Variants in AGAP2 observed in about 807,000 individuals in gnomAD.
AGAP2 encodes the protein ArfGAP with GTPase domain, ankyrin repeat and PH domain 2, also known as arf-GAP with GTPase, ANK repeat and PH domain-containing protein 2.
In AGAP2, 32 loss-of-function variants were observed where a neutral mutation model predicts 110.9. That is an observed-to-expected ratio of 0.29 (90% CI 0.22 to 0.39). The LOEUF (loss-of-function observed/expected upper bound fraction) is 0.39, where lower values mean the gene tolerates loss of function less well. AGAP2 is among the 10% of genes least tolerant of loss of function. The probability of loss-of-function intolerance (pLI) is 1.00; values close to 1 mark genes in which losing one functional copy is unlikely to be tolerated. For missense variants in AGAP2, 1,285 were observed against 1,638.5 expected, an observed-to-expected ratio of 0.78 and a Z score of 3.72; for synonymous variants, 702 against 713.0, an observed-to-expected ratio of 0.98 and a Z score of 0.25.
chr12:57,728,838 C>T (rs1954826412), intron 13 of AGAP2, among the ~76,000 whole-genome samples: 1 of 152,028 alleles, frequency 6.6e-6, no homozygotes, highest in Non-Finnish European at 1.5e-5. Flanking sequence ...TGGTCAAGGG[C>T]TGTTGGGGAG....
chr12:57,731,651 G>T lies in AGAP2; in HGVS notation c.1954-9C>A. 6.2e-7 allele frequency: 1 copy of T among 1,614,140 alleles called. No individual in the cohort carries two copies. Among genetic ancestry groups the T allele is most frequent in the Non-Finnish European group, 8.5e-7 (1 of 1,180,016 alleles). On this transcript the variant is annotated splice_polypyrimidine_tract_variant and intron_variant, in intron 8 of 18. Coordinates refer to ENST00000547588, the MANE Select transcript of AGAP2 (RefSeq NM_001122772.3). Reference sequence around the variant, plus strand: ...TCACTACCCCGACGATTCTGGAATGGTTATTGGAATCAGTTTGAGGATGGA... The same window carrying T: ...TCACTACCCCGACGATTCTGGAATGTTTATTGGAATCAGTTTGAGGATGGA...
chr12:57,727,262 A>C, intron 17 of AGAP2, 33 bp from the exon 18 acceptor site: 1 of 1,612,310 alleles, frequency 6.2e-7, no homozygotes. Flanking sequence ...AAAAGGCTCT[A>C]GGGACCCCCA....
intron 12 of AGAP2, 125 bp downstream of exon 12, chr12:57,730,370 G>T (rs1954861831): frequency 7.8e-7 from 1 of 1,281,586 alleles, no homozygotes; most frequent in African/African-American, 1.5e-5. Flanking sequence ...ACTTATTCAT[G>T]TGTGGGGCTC....
rs1421514420 is a variant in AGAP2 at position 57,737,538 on chromosome 12, C to A, written c.709G>T (p.Ala237Ser). The A allele has an allele frequency of 6.4e-7, 1 of 1,557,232 alleles. No homozygotes were observed. Among genetic ancestry groups the A allele is most frequent in the South Asian group, 1.2e-5 (1 of 85,164 alleles). ...SAGTGASVSA[A>S]ATAAAAGGGG... is the part of the protein sequence containing the mutation. ...CCCCCGGCGGCGGCGGCGGTGGCGG[C>A]GGCAGAGACCGAAGCTCCAGTCCCG... The change falls in exon 1 of 19, where the codon GCC becomes TCC. Residue 237 changes from alanine (A) to serine (S), a missense_variant. Physicochemically the swap from Ala to Ser is moderately conservative, Grantham distance 99 (BLOSUM62 1). This residue lies in a region of AGAP2 where 844 missense variants were observed against 941.2 expected (regional missense o/e 0.90). Transcript: ENST00000547588. This position sits in a 1 kb window ranked among gnomAD's most constrained non-coding sequence, Gnocchi z 5.9.
chr12:57,729,519 G>T, intron 13 of AGAP2, 120 bp downstream of exon 13: 1 of 1,400,338 alleles, frequency 7.1e-7, no homozygotes, highest in Non-Finnish European at 9.7e-7. Flanking sequence ...GTGTGCAGTG[G>T]TAATGGTAGT....
upstream of AGAP2, chr12:57,742,114 C>T: frequency 6.2e-7 from 1 of 1,600,142 alleles, no homozygotes; most frequent in South Asian, 1.1e-5. Context: ...CACCTCTGGC[C>T]CTGAGGCCCA....
chr12:57,730,114 A>G (rs930190789), intron 12 of AGAP2, among the ~76,000 whole-genome samples: 1 of 86,150 alleles, frequency 1.2e-5, no homozygotes, highest in Non-Finnish European at 3.1e-5. Context: ...TTTGCATACT[A>G]TATATATATA....
intron 13 of AGAP2, among the ~76,000 whole-genome samples, chr12:57,729,175 C>CAAAA (rs766183934): frequency 5.5e-5 from 2 of 36,344 alleles, no homozygotes; most frequent in Non-Finnish European, 1.2e-4. Flanking sequence ...GACTCCATCT[C>CAAAA]AAAAAAAAAA....
In AGAP2 at chr12:57,738,085, G is replaced by T. The variant is rs1477208466; in HGVS notation, c.162C>A (p.Ser54Arg). 39 of 1,524,572 alleles carry T rather than the reference G, an allele frequency of 2.6e-5. No homozygotes were observed. The highest frequency in any genetic ancestry group is 3.3e-5 in the Non-Finnish European group (38 of 1,141,598). 94.4% of individuals were successfully genotyped at this position (1,524,572 alleles called of 1,614,324 possible). A position where few individuals can be genotyped will look rare whatever the true frequency, so the allele number is the denominator to read the frequency against. The change falls in exon 1 of 19, where the codon AGC becomes AGA. Residue 54 changes from serine to arginine, a missense_variant. Ser to Arg is a moderately radical substitution (Grantham distance 110). This residue lies in a region of AGAP2 where 844 missense variants were observed against 941.2 expected (regional missense o/e 0.90). Transcript: ENST00000547588. The surrounding 1 kb of genome is among the most constrained non-coding windows in gnomAD (Gnocchi z 6.7). The part of the protein sequence containing the change: ...ARGSETGDPG[S>R]PRGAEEPGKK... Reference sequence around the variant, plus strand: ...TGCCCGGCTCCTCCGCGCCTCGGGGGCTGCCAGGATCCCCAGTCTCGGAGC... The same window carrying T: ...TGCCCGGCTCCTCCGCGCCTCGGGGTCTGCCAGGATCCCCAGTCTCGGAGC...
rs748301985 is a variant in AGAP2, at chr12:57,726,957, C to G, written c.3336+17G>C. Reference sequence around the variant, plus strand: ...TGAAGCCTCAAAGACCCCCTTTCCTCCCCCCAGCTCACGTACCCACAGCAG... The same window carrying G: ...TGAAGCCTCAAAGACCCCCTTTCCTGCCCCCAGCTCACGTACCCACAGCAG... On this transcript the variant is annotated intron_variant, in intron 18 of 18. Coordinates refer to ENST00000547588, the MANE Select transcript of AGAP2 (RefSeq NM_001122772.3). This position sits in a 1 kb window ranked among gnomAD's most constrained non-coding sequence, Gnocchi z 5.7. The G allele has an allele frequency of 6.6e-7, 1 of 1,524,006 alleles. No individual in the cohort carries two copies. The highest frequency in any genetic ancestry group is 1.3e-5 in the South Asian group (1 of 79,728). 94.4% of individuals were successfully genotyped at this position (1,524,006 alleles called of 1,614,324 possible). A position where few individuals can be genotyped will look rare whatever the true frequency, so the allele number is the denominator to read the frequency against.
At chr12:57,730,103 A>C (rs1239912474) in intron 12 of AGAP2, among the ~76,000 whole-genome samples, 1 of 146,700 alleles carries the variant, frequency 6.8e-6, no homozygotes, top group Non-Finnish European at 1.5e-5. Flanking sequence ...TTACAATGTT[A>C]TTTGCATACT....
rs1421514420 is a variant in AGAP2 at position 57,737,538 on chromosome 12, C to G, written c.709G>C (p.Ala237Pro). Residue 237 changes from alanine (A) to proline (P), a missense_variant, in exon 1 of 19, where the codon GCC becomes CCC. By Grantham distance (27) the Ala-to-Pro change is conservative (BLOSUM62 -1). Around this residue, in one of 7 missense-constraint regions of AGAP2, gnomAD observed 844 missense variants for 941.2 expected, o/e 0.90. Transcript: ENST00000547588. The surrounding 1 kb of genome is among the most constrained non-coding windows in gnomAD (Gnocchi z 5.9). ...SAGTGASVSA[A>P]ATAAAAGGGG... ...CCCCCGGCGGCGGCGGCGGTGGCGGCGGCAGAGACCGAAGCTCCAGTCCCG... is the reference window on the plus strand; with the variant it reads ...CCCCCGGCGGCGGCGGCGGTGGCGGGGGCAGAGACCGAAGCTCCAGTCCCG... The G allele has an allele frequency of 1.3e-6, 2 of 1,557,232 alleles. No individual in the cohort carries two copies. Among genetic ancestry groups the G allele is most frequent in the Non-Finnish European group, 8.7e-7 (1 of 1,151,212 alleles).
intron 1 of AGAP2, 93 bp from the exon 2 acceptor site, chr12:57,735,520 C>A (rs1011198185): frequency 1.1e-6 from 1 of 936,558 alleles, no homozygotes; most frequent in East Asian, 3.0e-5. Flanking sequence ...AGCTTTCCAA[C>A]CCCCCCCCAA....
chr12:57,731,100 T>C, intron 10 of AGAP2, 147 bp from the exon 11 acceptor site: 1 of 938,048 alleles, frequency 1.1e-6, no homozygotes, highest in Non-Finnish European at 1.5e-6. Context: ...GATGGGCCCA[T>C]CAGACTTGGC....
At position 57,727,620 on chromosome 12, in the gene AGAP2, A is replaced by G. The variant is rs375756978; in HGVS notation, c.2858-38T>C. ...CGTAGAGGTCGGCTCCCAGCCGGGC[A>G]GCACAGGCACCCCGGCATTCACTAC... On this transcript the variant is annotated intron_variant, in intron 16 of 18. Transcript: ENST00000547588. 2.3e-3 allele frequency: 3,684 copies of G among 1,591,396 alleles called. 11 individuals are homozygous for G. Among genetic ancestry groups the G allele is most frequent in the Non-Finnish European group, 2.9e-3 (3,406 of 1,170,644 alleles).
intron 6 of AGAP2, 29 bp downstream of exon 6, chr12:57,732,816 C>T (rs1347700529): frequency 3.3e-5 from 54 of 1,613,026 alleles, no homozygotes; most frequent in Non-Finnish European, 4.3e-5. Context: ...CTCTGGCTTC[C>T]CACATATGCT....
rs1278871132 is a variant in AGAP2, at chr12:57,732,834, A to G, written c.1684+11T>C. 6.2e-7 allele frequency: 1 copy of G among 1,613,668 alleles called. No individual in the cohort carries two copies. Among genetic ancestry groups the G allele is most frequent in the South Asian group, 1.1e-5 (1 of 91,060 alleles). On this transcript the variant is annotated intron_variant, in intron 6 of 18. Transcript: ENST00000547588. ...TGGCTTCCCACATATGCTGGAGATC[A>G]CTACACTCACCCTCCTGGAAGACCC...
upstream of AGAP2, chr12:57,742,118 A>G: frequency 2.5e-6 from 4 of 1,597,150 alleles, no homozygotes; most frequent in South Asian, 3.3e-5. Flanking sequence ...TCTGGCCCTG[A>G]GGCCCATGGC....
Position 57,732,868 on chromosome 12 carries a change from T to A in AGAP2, c.1661A>T (p.Asn554Ile). 1 of 1,614,028 alleles carries A rather than the reference T, an allele frequency of 6.2e-7. No individual in the cohort carries two copies. Among genetic ancestry groups the A allele is most frequent in the Non-Finnish European group, 8.5e-7 (1 of 1,180,014 alleles). Residue 554 changes from asparagine to isoleucine, a missense_variant, in exon 6 of 19, where the codon AAT (asparagine) becomes ATT (isoleucine). Physicochemically the swap from Asn to Ile is moderately radical, Grantham distance 149. Around this residue, in one of 7 missense-constraint regions of AGAP2, gnomAD observed 844 missense variants for 941.2 expected, o/e 0.90. Transcript: ENST00000547588. ...ACCCTCCTGGAAGACCCGATCCACA[T>A]TGAGCCCATAGGTTGCACAAGTCTC... is the stretch of plus-strand genomic sequence containing the variant. Reference protein sequence around the residue: ...YYETCATYGLNVDRVFQEVAQ... With the variant: ...YYETCATYGLIVDRVFQEVAQ...
Sources: gnomAD v4.1 joint callset for allele counts (sites outside exome capture counted in the v4.1 genomes callset) on GRCh38, gnomAD v4.1.1 for gene constraint, gnomAD v4.1.1 regional missense constraint, Gnocchi (gnomAD v3.1) non-coding constraint, MANE v1.5 for transcripts, NCBI Gene and HGNC (gene_info 2026-07-23, HGNC 2026-07-21) for gene names.